Variants in NEMF observed in about 807,000 individuals in gnomAD.
NEMF encodes nuclear export mediator factor.
Under a neutral mutation model 162.2 loss-of-function variants are expected in NEMF, and 89 were observed. That is an observed-to-expected ratio of 0.55 (90% CI 0.46 to 0.65). NEMF has a LOEUF of 0.65. Among genes scored for constraint, NEMF ranks in the 30% least tolerant of loss-of-function variants. The probability of loss-of-function intolerance (pLI) is 0.00; values close to 1 mark genes in which losing one functional copy is unlikely to be tolerated. For missense variants in NEMF, 1,133 were observed against 1,261.9 expected, an observed-to-expected ratio of 0.90 and a Z score of 1.55; for synonymous variants, 421 against 404.5, an observed-to-expected ratio of 1.04 and a Z score of -0.49.
At chr14:49,815,005 C>G in intron 16 of NEMF, 148 bp from the exon 17 acceptor site, 1 of 578,374 alleles carries the variant, frequency 1.7e-6, no homozygotes, top group East Asian at 3.2e-5. Flanking sequence ...TACTAAAAAC[C>G]TATAATACAA....
At chr14:49,789,845 T>G (rs1890358952) in intron 26 of NEMF, among the ~76,000 whole-genome samples, 1 of 152,050 alleles carries the variant, frequency 6.6e-6, no homozygotes, top group South Asian at 2.1e-4. Context: ...AGTAAAACAG[T>G]ATTGGAAAAG....
chr14:49,835,131 C>T (rs180794484), intron 6 of NEMF, among the ~76,000 whole-genome samples: 4 of 149,606 alleles, frequency 2.7e-5, no homozygotes, highest in East Asian at 2.0e-4. Flanking sequence ...ACCCGGGAGG[C>T]GGAGGCTGTG....
chr14:49,840,957 A>T, intron 4 of NEMF, 91 bp from the exon 5 acceptor site: 1 of 1,117,892 alleles, frequency 8.9e-7, no homozygotes, highest in Non-Finnish European at 1.3e-6. Context: ...AGCACTGTGG[A>T]AGGCCGAGGC....
intron 16 of NEMF, among the ~76,000 whole-genome samples, chr14:49,822,735 A>T (rs1349013725): frequency 2.0e-5 from 3 of 147,070 alleles, no homozygotes; most frequent in African/African-American, 7.5e-5. Context: ...TATGCACTGC[A>T]GGGATGAAAA....
intron 4 of NEMF, among the ~76,000 whole-genome samples, chr14:49,842,012 G>A (rs944286344): frequency 6.6e-6 from 1 of 152,070 alleles, no homozygotes; most frequent in Non-Finnish European, 1.5e-5. Flanking sequence ...GGCTGAGGCA[G>A]GAGAATGGCT....
rs908826017 is a variant in NEMF, at chr14:49,830,678, G to A, written c.945+621C>T. Among the ~76,000 whole-genome samples, 49 of 152,338 alleles carry A rather than the reference G, an allele frequency of 3.2e-4. 1 individual carries two copies. The highest frequency in any genetic ancestry group is 2.1e-4 in the South Asian group (1 of 4,830). ...GGGATTTACAGGCGTGCGCCACCGC[G>A]CCCAGCCTCAAATAATTTGAAATTT... On this transcript the variant is annotated intron_variant, in intron 11 of 32. Coordinates refer to ENST00000298310, the MANE Select transcript of NEMF (RefSeq NM_004713.6).
chr14:49,829,417 C>G lies in NEMF; in HGVS notation c.955G>C (p.Ala319Pro), dbSNP rs774742234. The G allele has an allele frequency of 6.2e-7, 1 of 1,613,430 alleles. No individual in the cohort carries two copies. Among genetic ancestry groups the G allele is most frequent in the Non-Finnish European group, 8.5e-7 (1 of 1,179,714 alleles). Residue 319 changes from alanine (A) to proline (P), a missense_variant, in exon 12 of 33, where the codon GCA becomes CCA. Physicochemically the swap from Ala to Pro is conservative, Grantham distance 27. Transcript: ENST00000298310. ...CGAACATTATCTAATTTCTTCAATG[C>G]TTGCTTTTCCTTTTATTGGCAAAAC... is the stretch of plus-strand genomic sequence containing the variant. ...DLKALQQEKQALKKLDNVRKD... is the reference protein window; with the variant it reads ...DLKALQQEKQPLKKLDNVRKD...
intron 31 of NEMF, 22 bp downstream of exon 31, chr14:49,785,070 T>C (rs1222154211): frequency 6.2e-7 from 1 of 1,607,742 alleles, no homozygotes; most frequent in Non-Finnish European, 8.5e-7. Context: ...AAATCATAAT[T>C]CAAAAAAACA....
rs374187975 is a variant in NEMF, at chr14:49,852,759, G to A, written c.-6C>T. ...GTGCTAAAGCGGCTCTTCATGGCGAGGCCCGAGGGTCACTACCGCAAGTTC... is the reference window on the plus strand; with the variant it reads ...GTGCTAAAGCGGCTCTTCATGGCGAAGCCCGAGGGTCACTACCGCAAGTTC... On this transcript the variant is annotated 5_prime_UTR_variant, in exon 1 of 33. Transcript: ENST00000298310. The A allele has an allele frequency of 1.6e-4, 263 of 1,614,204 alleles. No individual in the cohort carries two copies. The highest frequency in any genetic ancestry group is 2.0e-4 in the Non-Finnish European group (237 of 1,180,032).
chr14:49,813,923 T>C (rs1255660671), intron 18 of NEMF, 65 bp downstream of exon 18: 1 of 987,804 alleles, frequency 1.0e-6, no homozygotes, highest in African/African-American at 1.6e-5. Flanking sequence ...ATTTTTGTCT[T>C]ACAGTCACAC....
chr14:49,803,350 T>C (rs1891039897), intron 19 of NEMF, 56 bp from the exon 20 acceptor site: 2 of 1,268,864 alleles, frequency 1.6e-6, no homozygotes, highest in South Asian at 1.4e-5. Flanking sequence ...CTAGTTTTCT[T>C]TTTCCACTTG....
intron 28 of NEMF, among the ~76,000 whole-genome samples, chr14:49,788,558 CTTT>C (rs34178212): frequency 6.7e-5 from 3 of 44,554 alleles, no homozygotes; most frequent in Admixed American, 2.3e-4. Context: ...TTCTCTCTCT[CTTT>C]TTTTTTTTTT....
chr14:49,841,475 G>A (rs1301152850), intron 4 of NEMF, among the ~76,000 whole-genome samples: 1 of 150,272 alleles, frequency 6.7e-6, no homozygotes, highest in Non-Finnish European at 1.5e-5. Flanking sequence ...TTGGGAGACT[G>A]AGGCAGGAGA....
rs577916299 is a variant in NEMF, at chr14:49,791,186, T to C, written c.2620-1613A>G. 3.3e-5 allele frequency among the ~76,000 whole-genome samples: 5 copies of C among 150,806 alleles called. No homozygotes were observed. The South Asian group carries it at 8.4e-4, about 25-fold the overall frequency. On this transcript the variant is annotated intron_variant, in intron 26 of 32. Transcript: ENST00000298310. ...CCCGTCTGTACTAAAAATACAAAAATTAGCTGGGTGTGGTGGCGTGTGCCT... is the reference window on the plus strand; with the variant it reads ...CCCGTCTGTACTAAAAATACAAAAACTAGCTGGGTGTGGTGGCGTGTGCCT...
chr14:49,786,614 G>T, intron 29 of NEMF, 104 bp downstream of exon 29: 1 of 1,130,742 alleles, frequency 8.8e-7, no homozygotes, highest in Non-Finnish European at 1.3e-6. Context: ...GTAGCCTGCA[G>T]TCTTGTCTTA....
intron 11 of NEMF, among the ~76,000 whole-genome samples, 170 bp from the exon 12 acceptor site, chr14:49,829,596 C>T (rs1892539575): frequency 6.6e-6 from 1 of 152,134 alleles, no homozygotes; most frequent in East Asian, 1.9e-4. Context: ...GCGTTCCATG[C>T]CCCAAAATTA....
intron 23 of NEMF, among the ~76,000 whole-genome samples, chr14:49,799,900 A>G (rs1011919359): frequency 2.6e-5 from 4 of 152,196 alleles, no homozygotes; most frequent in Non-Finnish European, 4.4e-5. Flanking sequence ...TGTGTCAGGC[A>G]CTGCCAGATG....
At chr14:49,845,196 GATT>G (rs533699362) in intron 4 of NEMF, among the ~76,000 whole-genome samples, 184 of 151,968 alleles carry the variant, frequency 1.2e-3, no homozygotes, top group Non-Finnish European at 2.2e-4. Context: ...AGGTTCAAGT[GATT>G]CTCCTGCCTC....
intron 16 of NEMF, among the ~76,000 whole-genome samples, chr14:49,819,195 A>T (rs1232813744): frequency 6.6e-6 from 1 of 152,242 alleles, no homozygotes; most frequent in East Asian, 1.9e-4. Flanking sequence ...GAGTAACTCT[A>T]GACATCCAAT....
Sources: allele counts gnomAD v4.1 joint callset (sites outside exome capture counted in the v4.1 genomes callset), GRCh38; gene constraint gnomAD v4.1.1; transcripts MANE v1.5; gene names NCBI Gene and HGNC (gene_info 2026-07-23, HGNC 2026-07-21).